CDHR1: variants seen among roughly 807,000 people sequenced by gnomAD.
The protein encoded by CDHR1 is cadherin related family member 1.
A neutral mutation model predicts 72.1 loss-of-function variants in CDHR1; 61 were observed. That is an observed-to-expected ratio of 0.85 (90% confidence interval 0.69 to 1.05). The LOEUF (loss-of-function observed/expected upper bound fraction) is 1.05. Among genes scored for constraint, CDHR1 ranks in the 50% least tolerant of loss-of-function variants. CDHR1 has a pLI of 0.00. For missense variants in CDHR1, 1,186 were observed against 1,115.7 expected (o/e 1.06, Z -0.90); for synonymous variants, 470 against 448.1 (o/e 1.05, Z -0.62).
At position 84,218,435 on chromosome 10, in the gene CDHR1, G is replaced by C; in HGVS notation, c.*3814G>C. 1 of 985,424 alleles carries C rather than the reference G, an allele frequency of 1.0e-6. No individual in the cohort carries two copies. The highest frequency in any genetic ancestry group is 1.2e-6 in the Non-Finnish European group (1 of 829,926). The allele number at this position is 985,424 out of a possible 1,614,324, so 61.0% of individuals were successfully genotyped here. ...TCAATAATTTACTCAGCCATTCCTAGGGTGACAAGTTTGGAGTATATCTTC... is the reference window on the plus strand; with the variant it reads ...TCAATAATTTACTCAGCCATTCCTACGGTGACAAGTTTGGAGTATATCTTC... On this transcript the variant is annotated 3_prime_UTR_variant, in exon 17 of 17. Coordinates refer to ENST00000623527, the MANE Select transcript of CDHR1 (RefSeq NM_033100.4).
intron 16 of CDHR1, among the ~76,000 whole-genome samples, chr10:84,213,611 C>T (rs1020172773): frequency 6.6e-6 from 1 of 152,172 alleles, no homozygotes; most frequent in Non-Finnish European, 1.5e-5. Context: ...CTCCTTCACA[C>T]GGGTGTTGAA....
At chr10:84,201,982 A>G in intron 7 of CDHR1, 62 bp downstream of exon 7, 1 of 1,270,396 alleles carries the variant, frequency 7.9e-7, no homozygotes, top group South Asian at 1.2e-5. Context: ...GAACCAAGTT[A>G]GGTTCTACAG....
Position 84,217,638 on chromosome 10 carries a change from G to T in CDHR1, c.*3017G>T, listed in dbSNP as rs1278701342. ...ACTTACACAAGCTCAGTAGACACTT[G>T]CCGTGACTGTGGCCCACATACTAGA... is the stretch of plus-strand genomic sequence containing the variant. On this transcript the variant is annotated 3_prime_UTR_variant, in exon 17 of 17. Transcript: ENST00000623527. The T allele has an allele frequency of 6.1e-6, 6 of 985,356 alleles. No homozygotes were observed. The highest frequency in any genetic ancestry group is 7.2e-6 in the Non-Finnish European group (6 of 829,966). The allele number at this position is 985,356 out of a possible 1,614,324, so 61.0% of individuals were successfully genotyped here.
intron 7 of CDHR1, 128 bp from the exon 8 acceptor site, chr10:84,202,852 A>G (rs1842152021): frequency 3.9e-6 from 4 of 1,016,076 alleles, no homozygotes; most frequent in Non-Finnish European, 6.1e-6. Context: ...ACACAGAAGC[A>G]AACAGAAACT....
intron 8 of CDHR1, among the ~76,000 whole-genome samples, chr10:84,203,721 T>C (rs566285850): frequency 6.6e-6 from 1 of 152,322 alleles, no homozygotes; most frequent in East Asian, 1.9e-4. Flanking sequence ...CGGCCTATTA[T>C]TGACTTTACA....
chr10:84,214,656 C>T lies in CDHR1; in HGVS notation c.*35C>T. ...TATGACCCCCCATCTTTCCTCCGCC[C>T]CTGACCCCCACCACCCTGCTGCTCG... is the stretch of plus-strand genomic sequence containing the variant. On this transcript the variant is annotated 3_prime_UTR_variant, in exon 17 of 17. Coordinates refer to ENST00000623527, the MANE Select transcript of CDHR1 (RefSeq NM_033100.4). 1 of 1,599,240 alleles carries T rather than the reference C, an allele frequency of 6.3e-7. No homozygotes were observed. The highest frequency in any genetic ancestry group is 8.5e-7 in the Non-Finnish European group (1 of 1,179,654).
chr10:84,196,075 C>T (rs924407275), intron 2 of CDHR1, among the ~76,000 whole-genome samples: 2 of 152,194 alleles, frequency 1.3e-5, no homozygotes, highest in Non-Finnish European at 2.9e-5. Context: ...GAACCAGGTC[C>T]AGGCATCGGG....
chr10:84,213,401 T>G (rs1589308690), intron 16 of CDHR1, 53 bp downstream of exon 16: 2 of 1,611,704 alleles, frequency 1.2e-6, no homozygotes, highest in Middle Eastern at 1.7e-4. Context: ...AGCTCAGACC[T>G]CTCTGCAACG....
intron 3 of CDHR1, among the ~76,000 whole-genome samples, chr10:84,196,937 T>G (rs1330901287): frequency 6.6e-6 from 1 of 152,182 alleles, no homozygotes; most frequent in Admixed American, 6.5e-5. Flanking sequence ...TAAATCCGTT[T>G]GCACTTTGAG....
intron 12 of CDHR1, among the ~76,000 whole-genome samples, chr10:84,209,512 A>G (rs1396730330): frequency 3.3e-5 from 5 of 152,182 alleles, no homozygotes; most frequent in South Asian, 2.1e-4. Context: ...ATTTAACACA[A>G]TTCCTGAAAT....
intron 12 of CDHR1, among the ~76,000 whole-genome samples, chr10:84,210,231 TG>T (rs1423708963): frequency 6.6e-6 from 1 of 151,964 alleles, no homozygotes; most frequent in Non-Finnish European, 1.5e-5. Flanking sequence ...TTGTTTTTTT[TG>T]TTTTTGTTTT....
In CDHR1 at chr10:84,216,565, T is replaced by C. The variant is rs1271835412; in HGVS notation, c.*1944T>C. 1.0e-6 allele frequency: 1 copy of C among 985,512 alleles called. No homozygotes were observed. Among genetic ancestry groups the C allele is most frequent in the East Asian group, 1.1e-4 (1 of 8,820 alleles). The allele number at this position is 985,512 out of a possible 1,614,324, so 61.0% of individuals were successfully genotyped here. A position where few individuals can be genotyped will look rare whatever the true frequency, so the allele number is the denominator to read the frequency against. On this transcript the variant is annotated 3_prime_UTR_variant, in exon 17 of 17. Coordinates refer to ENST00000623527, the MANE Select transcript of CDHR1 (RefSeq NM_033100.4). ...GCTCCCTGCTTTCATTTATGTTTGC[T>C]GACCTGTGGAGACCAGTCTTTCTGA...
Position 84,216,372 on chromosome 10 carries a change from G to T in CDHR1, c.*1751G>T. 1 of 985,522 alleles carries T rather than the reference G, an allele frequency of 1.0e-6. No individual in the cohort carries two copies. The highest frequency in any genetic ancestry group is 1.2e-6 in the Non-Finnish European group (1 of 829,978). The allele number at this position is 985,522 out of a possible 1,614,324, so 61.0% of individuals were successfully genotyped here. ...AGAGGTGGACTCGAGCAATCCAGGAGCCCAGACTGAGCAAATAAGTACTTT... is the reference window on the plus strand; with the variant it reads ...AGAGGTGGACTCGAGCAATCCAGGATCCCAGACTGAGCAAATAAGTACTTT... On this transcript the variant is annotated 3_prime_UTR_variant, in exon 17 of 17. Coordinates refer to ENST00000623527, the MANE Select transcript of CDHR1 (RefSeq NM_033100.4).
In CDHR1 at chr10:84,195,684, C is replaced by T. The variant is rs11592361; in HGVS notation, c.151+95C>T. 0.12 allele frequency: 124,891 copies of T among 1,054,838 alleles called. 8,287 individuals carry two copies. Among genetic ancestry groups the T allele is most frequent in the East Asian group, 0.14 (5,407 of 39,038 alleles). 65.3% of individuals were successfully genotyped at this position (1,054,838 alleles called of 1,614,324 possible). Reference sequence around the variant, plus strand: ...GCCCCAGGCACCACCCAAGTTGCTGCGCGCGCCCGGGGGCTCCTTGTTTGC... The same window carrying T: ...GCCCCAGGCACCACCCAAGTTGCTGTGCGCGCCCGGGGGCTCCTTGTTTGC... On this transcript the variant is annotated intron_variant, in intron 2 of 16. Transcript: ENST00000623527.
intron 7 of CDHR1, among the ~76,000 whole-genome samples, chr10:84,202,262 CCTCCTCT>C (rs1407890390): frequency 1.3e-5 from 2 of 152,180 alleles, no homozygotes; most frequent in East Asian, 3.9e-4. Context: ...TCACCCACCT[CCTCCTCT>C]CTGTGTGCCC....
At chr10:84,197,601 TG>T (rs1842051061) in intron 3 of CDHR1, among the ~76,000 whole-genome samples, 184 bp from the exon 4 acceptor site, 1 of 152,030 alleles carries the variant, frequency 6.6e-6, no homozygotes, top group African/African-American at 2.4e-5. Flanking sequence ...GTCTCAAGCA[TG>T]GGGGGAGGCA....
intron 16 of CDHR1, among the ~76,000 whole-genome samples, chr10:84,213,692 C>T (rs768631224): frequency 6.6e-6 from 1 of 152,152 alleles, no homozygotes; most frequent in Non-Finnish European, 1.5e-5. Flanking sequence ...TTAAGAGACT[C>T]CTGATACATC....
intron 10 of CDHR1, 75 bp downstream of exon 10, chr10:84,206,002 C>T (rs1221567387): frequency 8.9e-7 from 1 of 1,124,450 alleles, no homozygotes; most frequent in Non-Finnish European, 1.3e-6. Flanking sequence ...ACACCCAGGC[C>T]CTTTTTCCTG....
Position 84,208,397 on chromosome 10 carries a change from G to T in CDHR1, c.1167+20G>T, listed in dbSNP as rs779289506. ...GACCAGGTGTGTGGTCCTGCCCTCCGCTCTGCCTTCTCACAAACGGTATGA... is the reference window on the plus strand; with the variant it reads ...GACCAGGTGTGTGGTCCTGCCCTCCTCTCTGCCTTCTCACAAACGGTATGA... On this transcript the variant is annotated intron_variant, in intron 11 of 16. Coordinates refer to ENST00000623527, the MANE Select transcript of CDHR1 (RefSeq NM_033100.4). The T allele has an allele frequency of 6.2e-6, 10 of 1,612,526 alleles. No homozygotes were observed. Among genetic ancestry groups the T allele is most frequent in the Middle Eastern group, 1.7e-4 (1 of 6,058 alleles).
Sources: allele counts gnomAD v4.1 joint callset (sites outside exome capture counted in the v4.1 genomes callset), GRCh38; gene constraint gnomAD v4.1.1; transcripts MANE v1.5; gene names NCBI Gene and HGNC (gene_info 2026-07-23, HGNC 2026-07-21).